Variants in LPIN2 observed in about 807,000 individuals in gnomAD.
LPIN2 encodes the protein phosphatidate phosphatase LPIN2.
In LPIN2, 55 loss-of-function variants were observed where a neutral mutation model predicts 111.4. The ratio of observed to expected loss-of-function variants is 0.49; its 90% CI spans 0.40 to 0.62. The LOEUF (loss-of-function observed/expected upper bound fraction) is 0.62, where lower values mean the gene tolerates loss of function less well. LPIN2 is among the 20% of genes least tolerant of loss of function. LPIN2 has a pLI of 0.00. For missense variants in LPIN2, 992 were observed against 1,112.1 expected (o/e 0.89, Z 1.54); for synonymous variants, 425 against 414.0 (o/e 1.03, Z -0.32).
chr18:2,954,945 C>T (rs551283672), intron 2 of LPIN2, among the ~76,000 whole-genome samples: 1 of 152,298 alleles, frequency 6.6e-6, no homozygotes, highest in African/African-American at 2.4e-5. Context: ...TCACCTCACA[C>T]GGTTCAGATA....
At chr18:2,928,232 T>C (rs551226433) in intron 11 of LPIN2, among the ~76,000 whole-genome samples, 1 of 152,358 alleles carries the variant, frequency 6.6e-6, no homozygotes, top group East Asian at 1.9e-4. Context: ...CAAGCTTCTC[T>C]TGGCTACATC....
chr18:2,960,174 A>ATGTGTGTGTGTGTGTG (rs59457524), intron 2 of LPIN2, among the ~76,000 whole-genome samples: 107 of 136,628 alleles, frequency 7.8e-4, no homozygotes, highest in Admixed American at 1.5e-3. Context: ...CGACTCAAAA[A>ATGTGTGTGTGTGTGTG]TGTGTGTGTG....
intron 4 of LPIN2, chr18:2,946,806 G>A (rs781005973): frequency 3.2e-5 from 14 of 443,054 alleles, no homozygotes; most frequent in Non-Finnish European, 5.4e-5. Flanking sequence ...TGTTAACAAC[G>A]TCTAGCAGCA....
chr18:2,971,681 C>T (rs562757288), intron 1 of LPIN2, among the ~76,000 whole-genome samples: 2 of 149,564 alleles, frequency 1.3e-5, no homozygotes, highest in East Asian at 2.0e-4. Context: ...CACAGTGTTG[C>T]GTTTTATCTC....
chr18:2,918,832 G>GT lies in LPIN2; in HGVS notation c.*1460dup, dbSNP rs1944659489. On this transcript the variant is annotated 3_prime_UTR_variant, in exon 20 of 20. Transcript: ENST00000677752. Reference sequence around the variant, plus strand: ...TTTTAGGTGAAGCAAACTAAAACATGTAGAGGTTCCACTACAACGGCAGGG... The same window carrying GT: ...TTTTAGGTGAAGCAAACTAAAACATGTTAGAGGTTCCACTACAACGGCAGGG... The GT allele has an allele frequency of 6.6e-6, 1 of 152,190 alleles. No individual in the cohort carries two copies. Among genetic ancestry groups the GT allele is most frequent in the South Asian group, 2.1e-4 (1 of 4,826 alleles). The allele number at this position is 152,190 out of a possible 1,614,324, so 9.4% of individuals were successfully genotyped here.
At position 2,931,260 on chromosome 18, in the gene LPIN2, T is replaced by G. The variant is rs75709142; in HGVS notation, c.1452A>C (p.Ser484=). The G allele has an allele frequency of 6.2e-7, 1 of 1,614,122 alleles. No individual in the cohort carries two copies. Among genetic ancestry groups the G allele is most frequent in the East Asian group, 2.2e-5 (1 of 44,872 alleles). The part of the protein sequence containing the change: ...CGGLSENGEI[S]KEKFMEHIIT... ...GGGCACAAACACCCAACGTACCTTT[T>G]GAAATTTCTCCATTTTCACTGAGGC... is the stretch of plus-strand genomic sequence containing the variant. Residue 484 remains serine, a synonymous_variant, in exon 9 of 20, where the codon TCA becomes TCC. Transcript: ENST00000677752.
In LPIN2 at chr18:2,997,899, C is replaced by T. The variant is rs901795769; in HGVS notation, c.-10+15188G>A. Among the ~76,000 whole-genome samples, 78 of 152,336 alleles carry T rather than the reference C, an allele frequency of 5.1e-4. 1 individual carries two copies. The highest frequency in any genetic ancestry group is 1.2e-4 in the Non-Finnish European group (8 of 68,024). On this transcript the variant is annotated intron_variant, in intron 1 of 19. Coordinates refer to ENST00000677752, the MANE Select transcript of LPIN2 (RefSeq NM_001375808.2). The stretch of plus-strand genomic sequence containing the variant: ...TAGATCGGTAAGCATGAATTCACTA[C>T]TTCCCTACTGTTTCCTTTGGAAGTG...
At chr18:3,007,637 CCTTAA>C (rs139896314) in intron 1 of LPIN2, among the ~76,000 whole-genome samples, 6,785 of 152,206 alleles carry the variant, frequency 0.045, 477 homozygotes, top group African/African-American at 0.15. Flanking sequence ...CCCAAACATT[CCTTAA>C]CTTATGTTGG....
intron 1 of LPIN2, chr18:2,982,931 CA>C: frequency 5.7e-6 from 2 of 352,850 alleles, no homozygotes; most frequent in Admixed American, 7.7e-5. Context: ...AATGCATACA[CA>C]AGTTTACCAA....
chr18:2,966,679 A>T (rs1230542015), intron 1 of LPIN2, among the ~76,000 whole-genome samples: 1 of 152,162 alleles, frequency 6.6e-6, no homozygotes, highest in Non-Finnish European at 1.5e-5. Flanking sequence ...ACTTAATGCG[A>T]CTTGACTACT....
intron 1 of LPIN2, among the ~76,000 whole-genome samples, chr18:2,982,176 T>C (rs903245875): frequency 2.0e-5 from 3 of 152,202 alleles, no homozygotes; most frequent in Non-Finnish European, 4.4e-5. Context: ...TTCTTGTTTA[T>C]GATCACAGAA....
At chr18:2,997,925 C>A (rs775760735) in intron 1 of LPIN2, among the ~76,000 whole-genome samples, 6 of 152,214 alleles carry the variant, frequency 3.9e-5, no homozygotes, top group Non-Finnish European at 8.8e-5. Context: ...TTTGGAAGTG[C>A]CTGAAGTGTC....
chr18:3,000,207 AG>A (rs56069941), intron 1 of LPIN2, among the ~76,000 whole-genome samples: 138,697 of 151,722 alleles, frequency 0.91, 64,219 homozygotes, highest in East Asian at 1. Context: ...GGGCAAAAGG[AG>A]GAAAAAGATG....
chr18:2,928,854 C>T (rs952085603), intron 10 of LPIN2, among the ~76,000 whole-genome samples, 194 bp from the exon 11 acceptor site: 4 of 152,054 alleles, frequency 2.6e-5, no homozygotes, highest in East Asian at 1.9e-4. Context: ...ACAGAGAAGC[C>T]GTAAAATCTA....
intron 7 of LPIN2, 28 bp downstream of exon 7, chr18:2,937,664 C>G (rs745788736): frequency 6.3e-7 from 1 of 1,580,238 alleles, no homozygotes; most frequent in Non-Finnish European, 8.7e-7. Context: ...TTTGAGAGTA[C>G]CTGGAGCCAA....
At chr18:2,991,079 G>C (rs1028220103) in intron 1 of LPIN2, 1 of 549,670 alleles carries the variant, frequency 1.8e-6, no homozygotes, top group Non-Finnish European at 3.6e-6. Context: ...CGAGCAGACA[G>C]AAAGGATAGA....
chr18:2,925,446 A>T lies in LPIN2; in HGVS notation c.1794-78T>A. 1 of 1,581,748 alleles carries T rather than the reference A, an allele frequency of 6.3e-7. No individual in the cohort carries two copies. The highest frequency in any genetic ancestry group is 8.7e-7 in the Non-Finnish European group (1 of 1,153,158). ...AGAGCTTTTCATTTAGGATCAAGAA[A>T]ATAAAGATATCCTAAATCTTTTCTA... On this transcript the variant is annotated intron_variant, in intron 13 of 19. Transcript: ENST00000677752. The surrounding 1 kb of genome is among the most constrained non-coding windows in gnomAD (Gnocchi z 4.1).
intron 4 of LPIN2, chr18:2,946,417 C>T: frequency 3.4e-6 from 5 of 1,461,170 alleles, no homozygotes; most frequent in South Asian, 1.1e-5. Flanking sequence ...TACAGCAAGA[C>T]CAACCCTTTA....
At chr18:2,998,720 T>C (rs1281250540) in intron 1 of LPIN2, among the ~76,000 whole-genome samples, 2 of 151,858 alleles carry the variant, frequency 1.3e-5, no homozygotes, top group South Asian at 2.1e-4. Context: ...AGAAGGCTCA[T>C]ATCTGAAAAA....
Sources: gnomAD v4.1 joint callset for allele counts (sites outside exome capture counted in the v4.1 genomes callset) on GRCh38, gnomAD v4.1.1 for gene constraint, Gnocchi (gnomAD v3.1) non-coding constraint, MANE v1.5 for transcripts, NCBI Gene and HGNC (gene_info 2026-07-23, HGNC 2026-07-21) for gene names.